SREBF2: variants seen among roughly 807,000 people sequenced by gnomAD.
The protein encoded by SREBF2 is sterol regulatory element binding transcription factor 2.
In SREBF2, 55 loss-of-function variants were observed where a neutral mutation model predicts 113.1. The observed-to-expected ratio is 0.49, with a 90% CI of 0.39 to 0.61. SREBF2 has a LOEUF of 0.61. SREBF2 is among the 20% of genes least tolerant of loss of function. The pLI, the probability that SREBF2 is intolerant of heterozygous loss-of-function variation, is 0.00. For missense variants in SREBF2, 1,349 were observed against 1,487.4 expected, an observed-to-expected ratio of 0.91 and a Z score of 1.53; for synonymous variants, 593 against 605.7, an observed-to-expected ratio of 0.98 and a Z score of 0.31.
At chr22:41,902,277 T>C (rs546906925) in intron 16 of SREBF2, among the ~76,000 whole-genome samples, 9 of 152,310 alleles carry the variant, frequency 5.9e-5, no homozygotes, top group African/African-American at 1.9e-4. Context: ...CCCAGCCCCA[T>C]AGGTCGTAGG....
chr22:41,892,389 C>T (rs1020120799), intron 11 of SREBF2, among the ~76,000 whole-genome samples: 2 of 152,156 alleles, frequency 1.3e-5, no homozygotes, highest in Non-Finnish European at 2.9e-5. Flanking sequence ...GTGGCTCACG[C>T]CTGTAATCCC....
chr22:41,872,471 C>T (rs1412627456), intron 4 of SREBF2, among the ~76,000 whole-genome samples: 2 of 152,052 alleles, frequency 1.3e-5, no homozygotes, highest in African/African-American at 2.4e-5. Flanking sequence ...TAAAATTCAT[C>T]AAGCTATAAA....
At chr22:41,842,822 G>A (rs761151216) in intron 1 of SREBF2, among the ~76,000 whole-genome samples, 1 of 151,916 alleles carries the variant, frequency 6.6e-6, no homozygotes, top group Non-Finnish European at 1.5e-5. Flanking sequence ...ACCCTGTCTC[G>A]ACTAAAAAAT....
Position 41,866,949 on chromosome 22 carries a change from C to T in SREBF2, c.207C>T (p.Ser69=), listed in dbSNP as rs996862586. The T allele has an allele frequency of 1.2e-6, 2 of 1,613,502 alleles. No homozygotes were observed. The highest frequency in any genetic ancestry group is 1.7e-6 in the Non-Finnish European group (2 of 1,179,550). Residue 69 remains serine, a synonymous_variant, in exon 2 of 19, where the codon AGC becomes AGT. Transcript: ENST00000361204. Reference sequence around the variant, plus strand: ...GTAGCAGCAGCGGCAGCAGTGGCAGCAGCAGCAGCAGCAGCAATGGCAGGG... The same window carrying T: ...GTAGCAGCAGCGGCAGCAGTGGCAGTAGCAGCAGCAGCAGCAATGGCAGGG... ...GSGSSSGSSG[S]SSSSSNGRGS... is the part of the protein sequence containing the mutation.
At chr22:41,855,894 T>C (rs1287741635) in intron 1 of SREBF2, among the ~76,000 whole-genome samples, 1 of 151,928 alleles carries the variant, frequency 6.6e-6, no homozygotes, top group Non-Finnish European at 1.5e-5. Flanking sequence ...TAGCTGGGAC[T>C]ACAGGCATGT....
chr22:41,905,267 G>A (rs2077497451), intron 18 of SREBF2, among the ~76,000 whole-genome samples, 173 bp from the exon 19 acceptor site: 1 of 152,244 alleles, frequency 6.6e-6, no homozygotes, highest in Non-Finnish European at 1.5e-5. Flanking sequence ...CCCACCACGG[G>A]CTGGCCGTGA....
At chr22:41,881,391 A>G (rs1417736848) in intron 10 of SREBF2, among the ~76,000 whole-genome samples, 1 of 152,260 alleles carries the variant, frequency 6.6e-6, no homozygotes, top group East Asian at 1.9e-4. Flanking sequence ...AGGTCAACAA[A>G]TGAATGACAG....
At chr22:41,852,479 T>G (rs1414016659) in intron 1 of SREBF2, among the ~76,000 whole-genome samples, 1 of 152,130 alleles carries the variant, frequency 6.6e-6, no homozygotes, top group Non-Finnish European at 1.5e-5. Context: ...CTTGCCTTTC[T>G]CCTTAAATCT....
At chr22:41,883,976 T>A (rs1487546439) in intron 10 of SREBF2, among the ~76,000 whole-genome samples, 1 of 152,204 alleles carries the variant, frequency 6.6e-6, no homozygotes, top group Non-Finnish European at 1.5e-5. Flanking sequence ...GATTAGGGGA[T>A]CAGCCCCAGA....
chr22:41,894,186 A>C (rs1296093579), intron 12 of SREBF2, among the ~76,000 whole-genome samples: 1 of 152,174 alleles, frequency 6.6e-6, no homozygotes, highest in East Asian at 1.9e-4. Context: ...GAATGTGTTC[A>C]TAAGTGTCCC....
Position 41,905,492 on chromosome 22 carries a change from G to A in SREBF2, c.3258G>A (p.Leu1086=). ...GAGAGCGGGCCACCGCCATCCTGCT[G>A]GCCTGCCGCCACCTGCCCCTCTCCT... ...GQRERATAIL[L]ACRHLPLSFL... The change falls in exon 19 of 19, where the codon CTG becomes CTA. Residue 1086 remains leucine, a synonymous_variant. Coordinates refer to ENST00000361204, the MANE Select transcript of SREBF2 (RefSeq NM_004599.4). 4 of 1,580,146 alleles carry A rather than the reference G, an allele frequency of 2.5e-6. No homozygotes were observed. Among genetic ancestry groups the A allele is most frequent in the Non-Finnish European group, 3.4e-6 (4 of 1,163,660 alleles).
intron 2 of SREBF2, among the ~76,000 whole-genome samples, chr22:41,867,975 G>A (rs995908333): frequency 4.6e-5 from 7 of 152,218 alleles, no homozygotes; most frequent in African/African-American, 1.7e-4. Context: ...CTATGGTGAT[G>A]AATATGACTT....
rs2076911515 is a variant in SREBF2 at position 41,849,907 on chromosome 22, G to A, written c.88+16549G>A. ...TAATCCCAGCACTTTGGGAGGCGGA[G>A]GTGGGTGGATCACGAGGTCAGGAGA... On this transcript the variant is annotated intron_variant, in intron 1 of 18. Transcript: ENST00000361204. Among the ~76,000 whole-genome samples, 11 of 150,882 alleles carry A rather than the reference G, an allele frequency of 7.3e-5. 1 individual carries two copies. In the South Asian group the frequency reaches 2.3e-3, roughly 32 times the overall value.
intron 7 of SREBF2, among the ~76,000 whole-genome samples, 170 bp from the exon 8 acceptor site, chr22:41,877,059 A>G (rs977948705): frequency 2.6e-5 from 4 of 152,184 alleles, no homozygotes; most frequent in African/African-American, 9.7e-5. Flanking sequence ...CCAATGTTTG[A>G]GCAGCAGTTA....
intron 2 of SREBF2, among the ~76,000 whole-genome samples, chr22:41,867,739 A>G (rs1287679993): frequency 2.0e-5 from 3 of 152,096 alleles, no homozygotes; most frequent in Non-Finnish European, 4.4e-5. Flanking sequence ...CCCGGGAGGC[A>G]GAGCTTGCAG....
At chr22:41,878,880 T>C (rs2077221457) in intron 9 of SREBF2, 2 of 521,282 alleles carry the variant, frequency 3.8e-6, no homozygotes, top group Non-Finnish European at 6.5e-6. Context: ...TAGATGTGAT[T>C]TTGAGAGGCC....
intron 13 of SREBF2, among the ~76,000 whole-genome samples, chr22:41,896,713 G>C (rs533966170): frequency 6.6e-6 from 1 of 152,214 alleles, no homozygotes; most frequent in African/African-American, 2.4e-5. Flanking sequence ...CCTGAGGAGA[G>C]GGGGAGGGGG....
intron 1 of SREBF2, among the ~76,000 whole-genome samples, chr22:41,857,943 A>G (rs1408823853): frequency 3.9e-5 from 6 of 152,204 alleles, no homozygotes; most frequent in East Asian, 1.9e-4. Flanking sequence ...GAGTGTGGGT[A>G]ACTGATGTTT....
Position 41,871,023 on chromosome 22 carries a change from C to T in SREBF2, c.855C>T (p.Ala285=). The T allele has an allele frequency of 6.2e-7, 1 of 1,614,102 alleles. No homozygotes were observed. The highest frequency in any genetic ancestry group is 8.5e-7 in the Non-Finnish European group (1 of 1,180,016). Residue 285 remains alanine, a synonymous_variant, in exon 4 of 19, where the codon GCC becomes GCT. Transcript: ENST00000361204. ...TALTTPIQTA[A]LQVPTLVGSS... ...TCACCACCCCTATCCAGACGGCTGC[C>T]CTTCAAGTACCAGTAAGAGCTGCCT...
Sources: allele counts gnomAD v4.1 joint callset (sites outside exome capture counted in the v4.1 genomes callset), GRCh38; gene constraint gnomAD v4.1.1; transcripts MANE v1.5; gene names NCBI Gene and HGNC (gene_info 2026-07-23, HGNC 2026-07-21).